Variants in GRIK2 observed in about 807,000 individuals in gnomAD.
GRIK2 encodes the protein glutamate receptor ionotropic, kainate 2.
In GRIK2, 32 loss-of-function variants were observed where a neutral mutation model predicts 100.3. The ratio of observed to expected loss-of-function variants is 0.32; its 90% CI spans 0.24 to 0.43. GRIK2 has a LOEUF of 0.43. GRIK2 is among the 20% of genes least tolerant of loss of function. The pLI, the probability that GRIK2 is intolerant of heterozygous loss-of-function variation, is 1.00. For synonymous variants in GRIK2, 417 were observed against 389.4 expected, an observed-to-expected ratio of 1.07 and a Z score of -0.83; for missense variants, 843 against 1,114.9, an observed-to-expected ratio of 0.76 and a Z score of 3.47.
At chr6:101,925,087 T>C (rs137888470) in intron 13 of GRIK2, among the ~76,000 whole-genome samples, 1 of 152,180 alleles carries the variant, frequency 6.6e-6, no homozygotes, top group Non-Finnish European at 1.5e-5. Context: ...GTTTCTTGTC[T>C]CATTTTGATG....
At chr6:101,503,371 G>C (rs990813245) in intron 2 of GRIK2, among the ~76,000 whole-genome samples, 1 of 152,062 alleles carries the variant, frequency 6.6e-6, no homozygotes, top group African/African-American at 2.4e-5. Context: ...GAGGAAGAAG[G>C]GGGGAAAGAG....
chr6:101,874,937 A>G (rs1341490296), intron 11 of GRIK2, among the ~76,000 whole-genome samples: 1 of 152,084 alleles, frequency 6.6e-6, no homozygotes, highest in African/African-American at 2.4e-5. Context: ...TGATTTTTGC[A>G]CATTGATTTT....
intron 7 of GRIK2, among the ~76,000 whole-genome samples, chr6:101,733,094 G>A (rs1034391652): frequency 6.6e-6 from 1 of 151,998 alleles, no homozygotes; most frequent in African/African-American, 2.4e-5. Context: ...ATAGCATTCT[G>A]CCCCTGACAC....
intron 2 of GRIK2, among the ~76,000 whole-genome samples, chr6:101,458,401 A>C (rs1291311463): frequency 1.3e-5 from 2 of 152,176 alleles, no homozygotes; most frequent in Non-Finnish European, 2.9e-5. Context: ...ATATTTTTCA[A>C]ATTTTGGTAT....
intron 2 of GRIK2, among the ~76,000 whole-genome samples, chr6:101,601,061 T>G (rs913265079): frequency 2.6e-5 from 4 of 151,862 alleles, no homozygotes; most frequent in African/African-American, 9.6e-5. Flanking sequence ...TGGCTGTGTG[T>G]TTGTCATAGA....
chr6:101,436,969 T>C (rs1370574395), intron 2 of GRIK2, among the ~76,000 whole-genome samples: 2 of 151,204 alleles, frequency 1.3e-5, no homozygotes, highest in Non-Finnish European at 3.0e-5. Context: ...TGATCTAGTT[T>C]ACAGTTATGT....
chr6:101,923,630 T>C (rs1043247141), intron 12 of GRIK2, among the ~76,000 whole-genome samples: 74 of 152,230 alleles, frequency 4.9e-4, no homozygotes, highest in African/African-American at 1.8e-3. Context: ...CTTCTAAAAC[T>C]GCTTTGATGG....
intron 10 of GRIK2, among the ~76,000 whole-genome samples, chr6:101,829,882 C>G (rs1469630221): frequency 6.6e-6 from 1 of 151,808 alleles, no homozygotes; most frequent in Admixed American, 6.6e-5. Context: ...CTAATCCTGT[C>G]AAATTACCAA....
chr6:101,731,797 A>G (rs921366836), intron 7 of GRIK2, among the ~76,000 whole-genome samples: 7 of 152,042 alleles, frequency 4.6e-5, no homozygotes, highest in South Asian at 2.1e-4. Context: ...CCTCTAACAG[A>G]CAAGACAGAA....
chr6:101,553,291 G>A (rs1411047331), intron 2 of GRIK2, among the ~76,000 whole-genome samples: 1 of 152,110 alleles, frequency 6.6e-6, no homozygotes, highest in African/African-American at 2.4e-5. Flanking sequence ...AAAGGTTAGG[G>A]TGTATCAATG....
chr6:101,607,858 C>A (rs757786908), intron 2 of GRIK2, among the ~76,000 whole-genome samples: 1 of 151,600 alleles, frequency 6.6e-6, no homozygotes. Context: ...TAGTTGAAGA[C>A]CCTACCTAGG....
In GRIK2 at chr6:101,476,196, G is replaced by A. The variant is rs539040699; in HGVS notation, c.115+76804G>A. Among the ~76,000 whole-genome samples the A allele has an allele frequency of 2.0e-4, 31 of 152,170 alleles. 1 individual carries two copies. In the South Asian group the frequency reaches 6.2e-3, roughly 31 times the overall value. ...CTGTAAATGGATTCAGCTACTGTGTGTTCTCTAGTACAATCAGATTGAACT... is the reference window on the plus strand; with the variant it reads ...CTGTAAATGGATTCAGCTACTGTGTATTCTCTAGTACAATCAGATTGAACT... On this transcript the variant is annotated intron_variant, in intron 2 of 16. Transcript: ENST00000369134.
intron 2 of GRIK2, among the ~76,000 whole-genome samples, chr6:101,454,325 A>G (rs1397002091): frequency 2.0e-5 from 3 of 152,174 alleles, no homozygotes; most frequent in Admixed American, 6.6e-5. Flanking sequence ...TGATACTAGA[A>G]TGATCTATGA....
At chr6:102,032,149 A>G (rs1371431403) in intron 14 of GRIK2, among the ~76,000 whole-genome samples, 3 of 151,258 alleles carry the variant, frequency 2.0e-5, no homozygotes. Context: ...ACAACTTGGA[A>G]GAAGGGACCC....
intron 12 of GRIK2, among the ~76,000 whole-genome samples, chr6:101,904,093 C>T (rs553309847): frequency 1.3e-5 from 2 of 151,242 alleles, no homozygotes; most frequent in South Asian, 4.2e-4. Context: ...AATCTATTAT[C>T]TCTAATTTTA....
chr6:101,797,249 A>T lies in GRIK2; in HGVS notation c.952-2399A>T, dbSNP rs1301381879. Among the ~76,000 whole-genome samples, 5 of 147,504 alleles carry T rather than the reference A, an allele frequency of 3.4e-5. No homozygotes were observed. In the South Asian group the frequency reaches 1.0e-3, roughly 31 times the overall value. On this transcript the variant is annotated intron_variant, in intron 7 of 16. Coordinates refer to ENST00000369134, the MANE Select transcript of GRIK2 (RefSeq NM_021956.5). ...GTGTTAATCTTAAAAACTGTGGAAA[A>T]TATGAAATAAAAATTTTACTCATGA...
chr6:101,723,459 C>A lies in GRIK2; in HGVS notation c.951+37106C>A, dbSNP rs544993664. Among the ~76,000 whole-genome samples, 9 of 152,086 alleles carry A rather than the reference C, an allele frequency of 5.9e-5. No homozygotes were observed. In the East Asian group the frequency reaches 1.7e-3, roughly 29 times the overall value. ...TAGTAGATTGCAAAATACCTTGCAA[C>A]ATTTTTTGAGTCAGCCAATTACTAG... On this transcript the variant is annotated intron_variant, in intron 7 of 16. Transcript: ENST00000369134.
Position 101,760,191 on chromosome 6 carries a change from A to G in GRIK2, c.952-39457A>G, listed in dbSNP as rs1163897865. Among the ~76,000 whole-genome samples, 4 of 148,448 alleles carry G rather than the reference A, an allele frequency of 2.7e-5. No homozygotes were observed. The South Asian group carries it at 8.4e-4, about 31-fold the overall frequency. ...GCCAGCATTTTATTTTTTAAACAAA[A>G]ATATGTATATGTAAAATGTTTAACA... On this transcript the variant is annotated intron_variant, in intron 7 of 16. Coordinates refer to ENST00000369134, the MANE Select transcript of GRIK2 (RefSeq NM_021956.5).
intron 2 of GRIK2, among the ~76,000 whole-genome samples, chr6:101,586,292 C>T (rs9485515): frequency 0.088 from 13,178 of 149,936 alleles, 1,536 homozygotes; most frequent in African/African-American, 0.27. Flanking sequence ...GAGTATGAAT[C>T]GAAAAAAAAA....
Sources: allele counts gnomAD v4.1 joint callset (sites outside exome capture counted in the v4.1 genomes callset), GRCh38; gene constraint gnomAD v4.1.1; transcripts MANE v1.5; gene names NCBI Gene and HGNC (gene_info 2026-07-23, HGNC 2026-07-21).